ZNF420: variants seen among roughly 807,000 people sequenced by gnomAD.
The protein encoded by ZNF420 is ATM and p53-associated KZNF protein.
Under a neutral mutation model 44.7 loss-of-function variants are expected in ZNF420, and 31 were observed. The ratio of observed to expected loss-of-function variants is 0.69; its 90% CI spans 0.52 to 0.94. The LOEUF (loss-of-function observed/expected upper bound fraction) is 0.94. Ranked by LOEUF, ZNF420 falls within the 40% of genes least tolerant of loss-of-function variation. ZNF420 has a pLI of 0.00. For missense variants in ZNF420, 681 were observed against 827.9 expected (o/e 0.82, Z 2.18); for synonymous variants, 245 against 267.4 (o/e 0.92, Z 0.82).
chr19:37,124,224 A>T (rs1971221717), intron 4 of ZNF420, among the ~76,000 whole-genome samples: 1 of 152,234 alleles, frequency 6.6e-6, no homozygotes, highest in Admixed American at 6.5e-5. Context: ...AATATATTTA[A>T]GATTTATCCA....
chr19:37,093,122 A>T (rs1969246258), intron 4 of ZNF420: 1 of 151,762 alleles, frequency 6.6e-6, no homozygotes, highest in Admixed American at 6.6e-5. Context: ...GCTTTTAGTC[A>T]TGGTGGAAGG....
At chr19:37,093,567 A>G (rs534459021) in intron 4 of ZNF420, among the ~76,000 whole-genome samples, 56 of 152,188 alleles carry the variant, frequency 3.7e-4, no homozygotes, top group Admixed American at 1.0e-3. Flanking sequence ...TTCATGAGGG[A>G]TCCACCCCCA....
intron 1 of ZNF420, among the ~76,000 whole-genome samples, chr19:37,040,357 T>C (rs773784973): frequency 6.6e-6 from 1 of 152,252 alleles, no homozygotes; most frequent in Non-Finnish European, 1.5e-5. Flanking sequence ...AGGGCCTTGC[T>C]ATGTATTAGG....
At chr19:37,068,500 C>T (rs567205731) in intron 1 of ZNF420, among the ~76,000 whole-genome samples, 1 of 152,072 alleles carries the variant, frequency 6.6e-6, no homozygotes, top group East Asian at 1.9e-4. Context: ...ATTAGCTAGG[C>T]GTGATGGTGG....
At chr19:37,080,322 C>T (rs4805198) in intron 1 of ZNF420, 23 bp from the exon 2 acceptor site, 24,683 of 152,486 alleles carry the variant, frequency 0.16, 2,086 homozygotes, top group African/African-American at 0.23. Flanking sequence ...TATCTCATTC[C>T]ATTTTTCTTT....
intron 2 of ZNF420, among the ~76,000 whole-genome samples, chr19:37,087,704 G>T (rs1169089056): frequency 2.6e-5 from 4 of 152,178 alleles, no homozygotes; most frequent in Non-Finnish European, 5.9e-5. Flanking sequence ...GGAGTGCAGT[G>T]GCGCGATCTC....
chr19:37,056,863 C>T (rs1411373684), intron 1 of ZNF420, among the ~76,000 whole-genome samples: 1 of 152,204 alleles, frequency 6.6e-6, no homozygotes, highest in Non-Finnish European at 1.5e-5. Flanking sequence ...CTCTCTCCCA[C>T]GTCGCCGCCT....
intron 4 of ZNF420, among the ~76,000 whole-genome samples, chr19:37,096,444 T>G (rs564468330): frequency 6.6e-6 from 1 of 152,328 alleles, no homozygotes; most frequent in South Asian, 2.1e-4. Flanking sequence ...AAAAGTCCCT[T>G]GTCATTTTCC....
intron 1 of ZNF420, among the ~76,000 whole-genome samples, chr19:37,016,036 C>T (rs2074606738): frequency 6.6e-6 from 1 of 152,194 alleles, no homozygotes; most frequent in African/African-American, 2.4e-5. Context: ...GTTTCCTCCT[C>T]AACACCCACA....
chr19:37,126,025 C>G (rs751405101), intron 4 of ZNF420, among the ~76,000 whole-genome samples: 38 of 152,198 alleles, frequency 2.5e-4, no homozygotes, highest in Non-Finnish European at 5.3e-4. Context: ...TAAGACTTCT[C>G]TAAGTGGAAA....
At chr19:37,014,807 G>T (rs2074597885) in intron 1 of ZNF420, among the ~76,000 whole-genome samples, 1 of 152,184 alleles carries the variant, frequency 6.6e-6, no homozygotes, top group African/African-American at 2.4e-5. Context: ...TGTAGAGTTG[G>T]GCTGATGTCT....
chr19:37,096,243 AG>A (rs59389426), intron 4 of ZNF420: 151,548 of 151,572 alleles, frequency 1, 75,762 homozygotes, highest in Middle Eastern at 1. Flanking sequence ...TTTTTTTTTA[AG>A]CTCATCCCTT....
At chr19:37,056,005 T>A (rs1346106642) in intron 1 of ZNF420, among the ~76,000 whole-genome samples, 1 of 152,162 alleles carries the variant, frequency 6.6e-6, no homozygotes, top group Non-Finnish European at 1.5e-5. Flanking sequence ...AGGGGTTGCC[T>A]GGGGTGGTGT....
intron 4 of ZNF420, among the ~76,000 whole-genome samples, chr19:37,108,964 C>T (rs1353575354): frequency 6.6e-6 from 1 of 152,152 alleles, no homozygotes; most frequent in African/African-American, 2.4e-5. Context: ...TGGGAATTTC[C>T]GTGGGGCAAG....
chr19:37,013,966 C>G (rs1344723957), intron 1 of ZNF420, among the ~76,000 whole-genome samples: 1 of 152,164 alleles, frequency 6.6e-6, no homozygotes, highest in Non-Finnish European at 1.5e-5. Context: ...ACAGTGATGT[C>G]CTGGCATGCG....
chr19:37,036,633 C>T (rs1454128922), intron 1 of ZNF420, among the ~76,000 whole-genome samples: 3 of 152,050 alleles, frequency 2.0e-5, no homozygotes, highest in Admixed American at 1.3e-4. Flanking sequence ...AATAATAACC[C>T]TTGGTTTTTA....
rs139996196 is a variant in ZNF420, at chr19:37,043,300, C to T, written c.-125+35218C>T. On this transcript the variant is annotated intron_variant, in intron 1 of 4. Coordinates refer to the ZNF420 transcript ENST00000587029. ...TGTAACAACATGAGTTATGGCTTCA[C>T]TCAAAAGAATAAAGGGACAAATCGA... 3.2e-3 allele frequency among the ~76,000 whole-genome samples: 490 copies of T among 152,250 alleles called. 5 individuals are homozygous for T. The highest frequency in any genetic ancestry group is 0.011 in the African/African-American group (471 of 41,550).
upstream of ZNF420, among the ~76,000 whole-genome samples, chr19:37,075,745 A>T (rs556388949): frequency 6.6e-6 from 1 of 151,854 alleles, no homozygotes; most frequent in East Asian, 1.9e-4. Context: ...CTGTCTCAAA[A>T]CAAAAACAAA....
intron 4 of ZNF420, among the ~76,000 whole-genome samples, chr19:37,096,286 T>G (rs1357604608): frequency 6.6e-6 from 1 of 152,206 alleles, no homozygotes; most frequent in Admixed American, 6.5e-5. Flanking sequence ...CTTTCATATA[T>G]TTCCAGCACT....
Sources: gnomAD v4.1 joint callset for allele counts (sites outside exome capture counted in the v4.1 genomes callset) on GRCh38, gnomAD v4.1.1 for gene constraint, MANE v1.5 for transcripts, NCBI Gene and HGNC (gene_info 2026-07-23, HGNC 2026-07-21) for gene names.